The following CAPN14 variants were observed in gnomAD, a reference collection of about 807,000 sequenced individuals.
The protein encoded by CAPN14 is calpain-14.
Under a neutral mutation model 101.3 loss-of-function variants are expected in CAPN14, and 94 were observed. That is an observed-to-expected ratio of 0.93 (90% confidence interval 0.79 to 1.10). CAPN14 has a LOEUF of 1.10. Among genes scored for constraint, CAPN14 ranks in the 50% least tolerant of loss-of-function variants. The pLI, the probability that CAPN14 is intolerant of heterozygous loss-of-function variation, is 0.00. For synonymous variants in CAPN14, 338 were observed against 317.9 expected, an observed-to-expected ratio of 1.06 and a Z score of -0.67; for missense variants, 837 against 828.4, an observed-to-expected ratio of 1.01 and a Z score of -0.13.
intron 1 of CAPN14, among the ~76,000 whole-genome samples, chr2:31,229,247 C>G (rs2148710442): frequency 6.6e-6 from 1 of 152,144 alleles, no homozygotes; most frequent in Non-Finnish European, 1.5e-5. Context: ...TAAATTGCTG[C>G]TAATTTTTCT....
At chr2:31,216,911 G>A (rs527261227) in intron 1 of CAPN14, among the ~76,000 whole-genome samples, 9 of 152,168 alleles carry the variant, frequency 5.9e-5, no homozygotes, top group Middle Eastern at 3.2e-3. Flanking sequence ...TGTGGTCACC[G>A]TCCCAGTGTG....
intron 17 of CAPN14, among the ~76,000 whole-genome samples, chr2:31,179,060 C>CTATATATATATATA (rs60701103): frequency 7.1e-4 from 49 of 69,172 alleles, no homozygotes; most frequent in African/African-American, 3.0e-3. Context: ...TTATTGAGTT[C>CTATATATATATATA]TATATATATA....
At chr2:31,181,666 TC>T (rs1207545271) in intron 16 of CAPN14, among the ~76,000 whole-genome samples, 1 of 65,760 alleles carries the variant, frequency 1.5e-5, no homozygotes, top group African/African-American at 6.5e-5. Flanking sequence ...ATGCTATCCC[TC>T]CCCCCTCCCC....
intron 1 of CAPN14, among the ~76,000 whole-genome samples, chr2:31,227,543 A>G (rs1316568406): frequency 6.6e-6 from 1 of 152,192 alleles, no homozygotes; most frequent in Admixed American, 6.5e-5. Context: ...TTGAGCGCTT[A>G]CTATAGACTT....
chr2:31,189,504 C>T, intron 12 of CAPN14, 26 bp from the exon 13 acceptor site: 1 of 1,535,292 alleles, frequency 6.5e-7, no homozygotes, highest in African/African-American at 1.4e-5. Context: ...AGAAGAACAG[C>T]AAGGGAGGTG....
chr2:31,221,334 C>T (rs1342870933), upstream of CAPN14, among the ~76,000 whole-genome samples: 1 of 152,150 alleles, frequency 6.6e-6, no homozygotes, highest in Non-Finnish European at 1.5e-5. Context: ...GTGAGCCATG[C>T]CAATCAGGGA....
chr2:31,202,981 G>C, intron 3 of CAPN14, 89 bp downstream of exon 3: 1 of 1,137,834 alleles, frequency 8.8e-7, no homozygotes, highest in Non-Finnish European at 1.3e-6. Context: ...GGGGATCTCT[G>C]GCTTCTCTTC....
upstream of CAPN14, among the ~76,000 whole-genome samples, chr2:31,220,907 G>A (rs1228785496): frequency 6.6e-6 from 1 of 152,194 alleles, no homozygotes; most frequent in Non-Finnish European, 1.5e-5. Flanking sequence ...TGATTTGTGA[G>A]TGGGAGAAAA....
intron 1 of CAPN14, among the ~76,000 whole-genome samples, chr2:31,211,616 T>A (rs1258073257): frequency 6.6e-6 from 1 of 151,326 alleles, no homozygotes. Context: ...CAATGACCAA[T>A]GAAGTTGTAT....
chr2:31,186,477 C>G lies in CAPN14; in HGVS notation c.1596G>C (p.Glu532Asp), dbSNP rs113479164. Residue 532 changes from glutamate to aspartate, a missense_variant, in exon 16 of 22, where the codon GAG becomes GAC. Coordinates refer to ENST00000403897, the MANE Select transcript of CAPN14 (RefSeq NM_001145122.2). Reference protein sequence around the residue: ...FFTKFFEKHPEINAVQLQNLL... With the variant: ...FFTKFFEKHPDINAVQLQNLL... ...GGTTCTGAAGTTGAACTGCATTAAT[C>G]TCTGGATGCTAAATAGAAAGCAGAT... The G allele has an allele frequency of 3.2e-6, 5 of 1,547,754 alleles. No individual in the cohort carries two copies. The African/African-American group carries it at 6.9e-5, about 21-fold the overall frequency.
chr2:31,231,999 T>C (rs1054032441), intron 1 of CAPN14, among the ~76,000 whole-genome samples: 16 of 152,286 alleles, frequency 1.1e-4, no homozygotes. Context: ...CAAGAGATGA[T>C]CAGTTTTGGG....
chr2:31,186,597 C>T (rs922122303), intron 15 of CAPN14, 112 bp from the exon 16 acceptor site: 7 of 760,022 alleles, frequency 9.2e-6, no homozygotes, highest in Non-Finnish European at 1.4e-5. Flanking sequence ...CTAAGAACTT[C>T]ACAATGCTTT....
intron 16 of CAPN14, among the ~76,000 whole-genome samples, chr2:31,182,027 G>T (rs9798047): frequency 1.3e-3 from 204 of 151,366 alleles, no homozygotes; most frequent in Middle Eastern, 6.8e-3. Context: ...TAGTCCTTTG[G>T]GTATATAGCC....
intron 11 of CAPN14, 23 bp from the exon 12 acceptor site, chr2:31,191,430 G>GAAAAAA: frequency 7.8e-7 from 1 of 1,277,964 alleles, no homozygotes; most frequent in Non-Finnish European, 1.0e-6. Flanking sequence ...AACAAAAACA[G>GAAAAAA]AAAAAAAAAA....
At chr2:31,183,031 G>A (rs924513079) in intron 16 of CAPN14, among the ~76,000 whole-genome samples, 10 of 152,184 alleles carry the variant, frequency 6.6e-5, no homozygotes, top group South Asian at 4.1e-4. Context: ...AAATAACGCC[G>A]CTTGTCTATA....
chr2:31,210,722 T>G (rs1278848320), intron 1 of CAPN14, among the ~76,000 whole-genome samples: 1 of 152,134 alleles, frequency 6.6e-6, no homozygotes, highest in African/African-American at 2.4e-5. Flanking sequence ...AAATTTTCTA[T>G]GCTTAATTAT....
rs921406478 is a variant in CAPN14 at position 31,177,274 on chromosome 2, G to C, written c.1856-132C>G. 1.5e-5 allele frequency: 9 copies of C among 609,658 alleles called. No individual in the cohort carries two copies. In the African/African-American group the frequency reaches 1.7e-4, roughly 11 times the overall value. 37.8% of individuals were successfully genotyped at this position (609,658 alleles called of 1,614,324 possible). On this transcript the variant is annotated intron_variant, in intron 19 of 21. Coordinates refer to ENST00000403897, the MANE Select transcript of CAPN14 (RefSeq NM_001145122.2). The stretch of plus-strand genomic sequence containing the variant: ...GATAGCATGGAAATCTTCTTTTATA[G>C]GGTTCATTTTGAATGGTTTAATTGT...
upstream of CAPN14, among the ~76,000 whole-genome samples, chr2:31,218,148 C>A (rs574477422): frequency 6.6e-6 from 1 of 152,114 alleles, no homozygotes; most frequent in African/African-American, 2.4e-5. Context: ...CACCTTGGGT[C>A]CCGTTGCTCC....
intron 2 of CAPN14, among the ~76,000 whole-genome samples, chr2:31,226,136 G>C (rs560300963): frequency 1.3e-5 from 2 of 152,034 alleles, no homozygotes; most frequent in Non-Finnish European, 2.9e-5. Context: ...CAAATCAAAG[G>C]AGAACAGAAG....
Sources: gnomAD v4.1 joint callset for allele counts (sites outside exome capture counted in the v4.1 genomes callset) on GRCh38, gnomAD v4.1.1 for gene constraint, MANE v1.5 for transcripts, NCBI Gene and HGNC (gene_info 2026-07-23, HGNC 2026-07-21) for gene names.